The following KLF15 variants were observed in gnomAD, a reference collection of about 807,000 sequenced individuals.
The protein encoded by KLF15 is KLF transcription factor 15.
In KLF15, 4 loss-of-function variants were observed where a neutral mutation model predicts 24.6. The observed-to-expected ratio is 0.16, with a 90% confidence interval of 0.08 to 0.37. The LOEUF (loss-of-function observed/expected upper bound fraction) is 0.37. KLF15 is among the 10% of genes least tolerant of loss of function. KLF15 has a pLI of 1.00. For missense variants in KLF15, 496 were observed against 560.6 expected, an observed-to-expected ratio of 0.88 and a Z score of 1.16; for synonymous variants, 246 against 236.3, an observed-to-expected ratio of 1.04 and a Z score of -0.37.
the KLF15 span, among the ~76,000 whole-genome samples, chr3:126,311,294 C>T: frequency 6.6e-6 from 1 of 152,202 alleles, no homozygotes; most frequent in African/African-American, 2.4e-5. Context: ...TCCCAGGGCA[C>T]TCTCTCCTCC....
the KLF15 span, among the ~76,000 whole-genome samples, chr3:126,292,321 C>T: frequency 6.6e-6 from 1 of 152,178 alleles, no homozygotes; most frequent in Non-Finnish European, 1.5e-5. Context: ...CTCTCCATTC[C>T]CCACAGACTC....
At chr3:126,348,541 T>C (rs535558944) in intron 2 of KLF15, among the ~76,000 whole-genome samples, 2 of 152,360 alleles carry the variant, frequency 1.3e-5, no homozygotes, top group Admixed American at 1.3e-4. Flanking sequence ...CCTGTGGGCA[T>C]GTGACGTGAG....
downstream of KLF15, among the ~76,000 whole-genome samples, chr3:126,338,773 A>G (rs1576578614): frequency 6.6e-6 from 1 of 152,220 alleles, no homozygotes; most frequent in African/African-American, 2.4e-5. Context: ...AGCTCCCAGC[A>G]CCTGCTGCGC....
chr3:126,331,009 C>T, the KLF15 span, among the ~76,000 whole-genome samples: 1 of 152,162 alleles, frequency 6.6e-6, no homozygotes, highest in South Asian at 2.1e-4. Flanking sequence ...TGGAAGTGAA[C>T]TGACATGAAT....
At chr3:126,350,515 A>T (rs1411084470) in intron 2 of KLF15, among the ~76,000 whole-genome samples, 1 of 152,190 alleles carries the variant, frequency 6.6e-6, no homozygotes, top group African/African-American at 2.4e-5. Flanking sequence ...CACAACATAC[A>T]TTCCACTCAC....
At chr3:126,323,948 T>A in the KLF15 span, among the ~76,000 whole-genome samples, 1 of 151,322 alleles carries the variant, frequency 6.6e-6, no homozygotes, top group African/African-American at 2.4e-5. Context: ...ATGTGCAACA[T>A]TTTCTTTATC....
At chr3:126,301,610 CTTTTTTTTTTTTT>C in the KLF15 span, among the ~76,000 whole-genome samples, 4 of 132,284 alleles carry the variant, frequency 3.0e-5, no homozygotes, top group East Asian at 2.1e-4. Flanking sequence ...TTTTCTTTTT[CTTTTTTTTTTTTT>C]TTTTTTCTGA....
At chr3:126,296,362 C>T in the KLF15 span, among the ~76,000 whole-genome samples, 2 of 152,186 alleles carry the variant, frequency 1.3e-5, no homozygotes, top group African/African-American at 4.8e-5. Flanking sequence ...CGCCCACCAC[C>T]ATGCCCGGCT....
chr3:126,320,553 T>G, the KLF15 span, among the ~76,000 whole-genome samples: 1 of 152,240 alleles, frequency 6.6e-6, no homozygotes, highest in African/African-American at 2.4e-5. Context: ...TGAGTTCACC[T>G]GGCTACACAT....
rs1461314315 is a variant in KLF15 at position 126,356,218 on chromosome 3, G to T, written c.-26+1019C>A. On this transcript the variant is annotated intron_variant, in intron 1 of 2. Transcript: ENST00000296233. The surrounding 1 kb of genome is among the most constrained non-coding windows in gnomAD (Gnocchi z 4.4). ...TCTCCGGTCCCTGAGCCGCCCGCAG[G>T]CCCCAAAGTCGCAGAGTCCGGGCGT... Among the ~76,000 whole-genome samples the T allele has an allele frequency of 1.3e-5, 2 of 152,154 alleles. No homozygotes were observed. Among genetic ancestry groups the T allele is most frequent in the Admixed American group, 6.5e-5 (1 of 15,288 alleles).
chr3:126,323,406 TATATA>T, the KLF15 span, among the ~76,000 whole-genome samples: 2 of 22,132 alleles, frequency 9.0e-5, no homozygotes, highest in African/African-American at 5.6e-4. Flanking sequence ...CCAGTAGTTA[TATATA>T]TATATATATA....
the KLF15 span, among the ~76,000 whole-genome samples, chr3:126,303,496 A>G: frequency 6.6e-6 from 1 of 152,106 alleles, no homozygotes; most frequent in Non-Finnish European, 1.5e-5. Flanking sequence ...AACAAGAAAT[A>G]TGCTGTTATC....
At chr3:126,338,716 C>T (rs148603581), downstream of KLF15, among the ~76,000 whole-genome samples, 533 of 152,346 alleles carry the variant, frequency 3.5e-3, 4 homozygotes, top group Non-Finnish European at 5.8e-3. Context: ...ATGATTTAGA[C>T]GTATTTCTGC....
the KLF15 span, among the ~76,000 whole-genome samples, chr3:126,329,784 A>G: frequency 3.4e-3 from 513 of 148,790 alleles, 5 homozygotes; most frequent in African/African-American, 0.012. Context: ...AAGGTAAGCA[A>G]TTCCAGTTAG....
Position 126,352,531 on chromosome 3 carries a change from T to C in KLF15, c.392A>G (p.Asp131Gly). 6.2e-7 allele frequency: 1 copy of C among 1,613,008 alleles called. No homozygotes were observed. The highest frequency in any genetic ancestry group is 8.5e-7 in the Non-Finnish European group (1 of 1,180,010). The change falls in exon 2 of 3, where the codon GAT becomes GGT. Residue 131 changes from aspartate (D) to glycine (G), a missense_variant. Around this residue, in one of 3 missense-constraint regions of KLF15, gnomAD observed 399 missense variants for 423.1 expected, o/e 0.94. Coordinates refer to ENST00000296233, the MANE Select transcript of KLF15 (RefSeq NM_014079.4). ...AGGCTGGAAGGGCCGTGGGACGTCA[T>C]CAGGATCACCCAAAGGAAACTCGGG... ...CLPEFPLGDP[D>G]DVPRPFQPTL...
the KLF15 span, among the ~76,000 whole-genome samples, chr3:126,304,580 A>T: frequency 6.6e-6 from 1 of 152,034 alleles, no homozygotes; most frequent in African/African-American, 2.4e-5. Flanking sequence ...TCCTCCCAGC[A>T]CCTCCACCTG....
At chr3:126,331,977 G>T in the KLF15 span, among the ~76,000 whole-genome samples, 6 of 152,194 alleles carry the variant, frequency 3.9e-5, no homozygotes, top group African/African-American at 9.6e-5. Flanking sequence ...ACTGCAAGGC[G>T]CCAGCGAGGC....
chr3:126,355,487 G>A (rs533420659), intron 1 of KLF15, among the ~76,000 whole-genome samples: 16 of 152,278 alleles, frequency 1.1e-4, no homozygotes, highest in African/African-American at 3.6e-4. Flanking sequence ...GGTGGGAGCT[G>A]CTTAGTTAGA....
Position 126,356,801 on chromosome 3 carries a change from C to T in KLF15, c.-26+436G>A, listed in dbSNP as rs983000818. ...GGCACCATGCCCTCGTCCCACGCCC[C>T]CCCCTTGCCCCCGACACTGCTGCGG... On this transcript the variant is annotated intron_variant, in intron 1 of 2. Transcript: ENST00000296233. This position sits in a 1 kb window ranked among gnomAD's most constrained non-coding sequence, Gnocchi z 4.4. Among the ~76,000 whole-genome samples the T allele has an allele frequency of 3.0e-4, 45 of 152,008 alleles. No homozygotes were observed. Among genetic ancestry groups the T allele is most frequent in the African/African-American group, 1.1e-3 (45 of 41,496 alleles).
Sources: allele counts gnomAD v4.1 joint callset (sites outside exome capture counted in the v4.1 genomes callset), GRCh38; gene constraint gnomAD v4.1.1; regional missense constraint gnomAD v4.1.1; non-coding constraint Gnocchi (gnomAD v3.1); transcripts MANE v1.5; gene names NCBI Gene and HGNC (gene_info 2026-07-23, HGNC 2026-07-21).